The following POU6F1 variants were observed in gnomAD, a reference collection of about 807,000 sequenced individuals.
POU6F1 encodes the protein POU class 6 homeobox 1, also known as POU domain, class 6, transcription factor 1.
In POU6F1, 9 loss-of-function variants were observed where a neutral mutation model predicts 28.9. The observed-to-expected ratio is 0.31, with a 90% confidence interval of 0.19 to 0.54. The LOEUF is 0.54. POU6F1 is among the 20% of genes least tolerant of loss of function. The probability of loss-of-function intolerance (pLI) is 0.94; values close to 1 mark genes in which losing one functional copy is unlikely to be tolerated. For synonymous variants in POU6F1, 173 were observed against 171.1 expected (o/e 1.01, Z -0.09); for missense variants, 338 against 426.1 (o/e 0.79, Z 1.82).
chr12:51,191,868 C>T (rs1329656099), intron 9 of POU6F1, 104 bp from the exon 10 acceptor site: 4 of 1,417,482 alleles, frequency 2.8e-6, no homozygotes, highest in Non-Finnish European at 3.9e-6. Context: ...GGTGAGGACA[C>T]CTGGGAAAAG....
At position 51,206,822 on chromosome 12, in the gene POU6F1, G is replaced by C. The variant is rs1323712446; in HGVS notation, c.15C>G (p.Ala5=). 8 of 398,610 alleles carry C rather than the reference G, an allele frequency of 2.0e-5. No individual in the cohort carries two copies. The East Asian group carries it at 2.9e-4, about 14-fold the overall frequency. The allele number at this position is 398,610 out of a possible 1,614,324, so 24.7% of individuals were successfully genotyped here. The change falls in exon 2 of 11, where the codon GCC becomes GCG. Residue 5 remains alanine, a synonymous_variant. Coordinates refer to ENST00000333640, the MANE Select transcript of POU6F1 (RefSeq NM_001330422.2). The part of the protein sequence containing the change: MDPG[A]GSETSLTVNE... ...TGACAGTCAGAGATGTCTCTGACCC[G>C]GCTCCAGGATCCATGGTCACTTGTC...
Position 51,188,629 on chromosome 12 carries a change from T to C in POU6F1, c.*1618A>G, listed in dbSNP as rs148510381. 1.3e-5 allele frequency: 2 copies of C among 152,262 alleles called. No homozygotes were observed. Among genetic ancestry groups the C allele is most frequent in the East Asian group, 3.9e-4 (2 of 5,178 alleles). The allele number at this position is 152,262 out of a possible 1,614,324, so 9.4% of individuals were successfully genotyped here. The stretch of plus-strand genomic sequence containing the variant: ...GGGCCTGGGAGGCACCAACAGTAAG[T>C]GGGAAAGGAAACAGGACACCAGAGG... On this transcript the variant is annotated 3_prime_UTR_variant, in exon 11 of 11. Transcript: ENST00000333640.
At chr12:51,212,997 C>T (rs117992501) in intron 1 of POU6F1, among the ~76,000 whole-genome samples, 6,615 of 151,712 alleles carry the variant, frequency 0.044, 194 homozygotes, top group Middle Eastern at 0.071. Flanking sequence ...AGTGCAGCGG[C>T]GGGATCTCGG....
intron 1 of POU6F1, 163 bp from the exon 2 acceptor site, chr12:51,207,046 GA>G: frequency 2.8e-6 from 1 of 354,920 alleles, no homozygotes; most frequent in Non-Finnish European, 5.0e-6. Context: ...TTTTTTTTGA[GA>G]CAGTTTCACT....
rs777395952 is a variant in POU6F1 at position 51,192,313 on chromosome 12, C to A, written c.1321+17G>T. 1.9e-5 allele frequency: 31 copies of A among 1,613,172 alleles called. 1 individual carries two copies. Among genetic ancestry groups the A allele is most frequent in the Middle Eastern group, 3.3e-4 (2 of 6,076 alleles). On this transcript the variant is annotated intron_variant, in intron 9 of 10. Transcript: ENST00000333640. Reference sequence around the variant, plus strand: ...GCCTCCCCACTTCTCCACACTACTTCTCCAGGAGCCACTTACTGGACACCA... The same window carrying A: ...GCCTCCCCACTTCTCCACACTACTTATCCAGGAGCCACTTACTGGACACCA...
At chr12:51,204,629 G>A (rs1350366537) in intron 2 of POU6F1, among the ~76,000 whole-genome samples, 1 of 152,186 alleles carries the variant, frequency 6.6e-6, no homozygotes, top group Non-Finnish European at 1.5e-5. Flanking sequence ...GTCCCCCAGA[G>A]CCAAACCATT....
At chr12:51,198,474 G>C in intron 5 of POU6F1, 76 bp downstream of exon 5, 1 of 398,624 alleles carries the variant, frequency 2.5e-6, no homozygotes, top group Non-Finnish European at 4.4e-6. Flanking sequence ...TTCTGAGTCC[G>C]ACATGGCAAG....
chr12:51,196,688 C>T, intron 7 of POU6F1, 111 bp downstream of exon 7: 2 of 1,342,402 alleles, frequency 1.5e-6, no homozygotes, highest in Admixed American at 1.9e-5. Flanking sequence ...ATAGGAACAA[C>T]AGCTTGACGT....
chr12:51,194,919 GC>G (rs1416950933), intron 8 of POU6F1, among the ~76,000 whole-genome samples: 2 of 152,094 alleles, frequency 1.3e-5, no homozygotes, highest in Non-Finnish European at 2.9e-5. Context: ...CGAACCACTG[GC>G]CATATTGTGA....
At chr12:51,196,988 G>A in intron 6 of POU6F1, 61 bp from the exon 7 acceptor site, 1 of 966,428 alleles carries the variant, frequency 1.0e-6, no homozygotes, top group South Asian at 1.5e-5. Context: ...CCGGGCAGAG[G>A]GAAGAGGACA....
In POU6F1 at chr12:51,190,576, T is replaced by C. The variant is rs949447014; in HGVS notation, c.1507A>G (p.Ile503Val). The stretch of plus-strand genomic sequence containing the variant: ...AGCTTCTGGGCACTCTTGGGTGTGA[T>C]GTCTAGCTTCTCGAACCTGTGGGCA... ...SAICRFEKLDITPKSAQKLKP... is the reference protein window; with the variant it reads ...SAICRFEKLDVTPKSAQKLKP... Residue 503 changes from isoleucine to valine, a missense_variant, in exon 11 of 11, where the codon ATC becomes GTC. Around this residue, in one of 3 missense-constraint regions of POU6F1, gnomAD observed 126 missense variants for 176.5 expected, o/e 0.71. Transcript: ENST00000333640. This position sits in a 1 kb window ranked among gnomAD's most constrained non-coding sequence, Gnocchi z 4.5. The C allele has an allele frequency of 1.2e-6, 2 of 1,612,942 alleles. No homozygotes were observed. The highest frequency in any genetic ancestry group is 1.7e-6 in the Non-Finnish European group (2 of 1,179,230).
chr12:51,212,993 G>A (rs1453546794), intron 1 of POU6F1, among the ~76,000 whole-genome samples: 3 of 151,854 alleles, frequency 2.0e-5, no homozygotes, highest in Non-Finnish European at 4.4e-5. Context: ...TTGGAGTGCA[G>A]CGGCGGGATC....
intron 4 of POU6F1, 53 bp from the exon 5 acceptor site, chr12:51,198,828 T>C (rs1943017995): frequency 2.5e-6 from 1 of 398,406 alleles, no homozygotes; most frequent in Non-Finnish European, 4.4e-6. Context: ...AAAATCAACA[T>C]TGACAGCGCA....
At chr12:51,206,961 A>G (rs944325879) in intron 1 of POU6F1, 78 bp from the exon 2 acceptor site, 3 of 396,120 alleles carry the variant, frequency 7.6e-6, no homozygotes, top group Non-Finnish European at 1.3e-5. Flanking sequence ...GAAAAGTCAG[A>G]ATAGAATCAC....
rs891462023 is a variant in POU6F1 at position 51,199,082 on chromosome 12, G to T, written c.367-307C>A. ...CAGCCTGCTGCCTGCCAGGCCTTCC[G>T]CGAGCCCTTGCTGACAGGCCCCGTG... On this transcript the variant is annotated intron_variant, in intron 4 of 10. Transcript: ENST00000333640. This position sits in a 1 kb window ranked among gnomAD's most constrained non-coding sequence, Gnocchi z 4.1. Among the ~76,000 whole-genome samples, 1 of 152,230 alleles carries T rather than the reference G, an allele frequency of 6.6e-6. No homozygotes were observed. The highest frequency in any genetic ancestry group is 1.5e-5 in the Non-Finnish European group (1 of 68,042).
intron 3 of POU6F1, chr12:51,202,551 G>C (rs1261781963): frequency 1.3e-5 from 2 of 152,032 alleles, no homozygotes; most frequent in African/African-American, 4.8e-5. Context: ...GGCTGATTTC[G>C]AACTCCTGAT....
rs1943094681 is a variant in POU6F1 at position 51,199,835 on chromosome 12, G to A, written c.278C>T (p.Ala93Val). The A allele has an allele frequency of 7.5e-6, 3 of 399,154 alleles. No homozygotes were observed. The highest frequency in any genetic ancestry group is 4.4e-6 in the Non-Finnish European group (1 of 226,234). The allele number at this position is 399,154 out of a possible 1,614,324, so 24.7% of individuals were successfully genotyped here. Residue 93 changes from alanine to valine, a missense_variant, in exon 4 of 11, where the codon GCC becomes GTC. Ala to Val is a moderately conservative substitution (Grantham distance 64). This residue lies in a region of POU6F1 where 206 missense variants were observed against 225.6 expected (regional missense o/e 0.91). Coordinates refer to ENST00000333640, the MANE Select transcript of POU6F1 (RefSeq NM_001330422.2). The surrounding 1 kb of genome is among the most constrained non-coding windows in gnomAD (Gnocchi z 4.1). ...KSPPGIPPSP[A>V]TAIATFSQAP... ...TTGGCTGAAGGTGGCAATGGCAGTG[G>A]CAGGGCTCGGAGGGATCCCCGGGGG... is the stretch of plus-strand genomic sequence containing the variant.
chr12:51,197,679 G>A (rs538500219), intron 6 of POU6F1, 91 bp downstream of exon 6: 99 of 398,870 alleles, frequency 2.5e-4, no homozygotes, highest in African/African-American at 1.3e-3. Flanking sequence ...TTCGGGGGGG[G>A]CTCGTCCTCC....
chr12:51,211,927 C>T (rs2137225415), intron 1 of POU6F1, among the ~76,000 whole-genome samples: 1 of 152,274 alleles, frequency 6.6e-6, no homozygotes, highest in South Asian at 2.1e-4. Context: ...CTGTCATTCT[C>T]CTCTGGAACT....
Sources: allele counts gnomAD v4.1 joint callset (sites outside exome capture counted in the v4.1 genomes callset), GRCh38; gene constraint gnomAD v4.1.1; regional missense constraint gnomAD v4.1.1; non-coding constraint Gnocchi (gnomAD v3.1); transcripts MANE v1.5; gene names NCBI Gene and HGNC (gene_info 2026-07-23, HGNC 2026-07-21).